The following GAS7 variants were observed in gnomAD, a reference collection of about 807,000 sequenced individuals.
GAS7 encodes the protein growth arrest specific 7.
GAS7 carries 28 observed loss-of-function variants against 71.1 expected under a neutral mutation model. That is an observed-to-expected ratio of 0.39 (90% CI 0.29 to 0.54). GAS7 has a LOEUF of 0.54. Among genes scored for constraint, GAS7 ranks in the 20% least tolerant of loss-of-function variants. The pLI, the probability that GAS7 is intolerant of heterozygous loss-of-function variation, is 0.62. For synonymous variants in GAS7, 258 were observed against 245.8 expected, an observed-to-expected ratio of 1.05 and a Z score of -0.46; for missense variants, 436 against 627.8, an observed-to-expected ratio of 0.69 and a Z score of 3.27.
chr17:10,068,375 C>G (rs1211430997), intron 1 of GAS7, among the ~76,000 whole-genome samples: 1 of 152,152 alleles, frequency 6.6e-6, no homozygotes, highest in Non-Finnish European at 1.5e-5. Context: ...AAAACAGAGG[C>G]AGGCTATGCT....
chr17:10,013,522 C>T (rs1391764959), intron 2 of GAS7, among the ~76,000 whole-genome samples: 2 of 152,176 alleles, frequency 1.3e-5, no homozygotes, highest in South Asian at 2.1e-4. Flanking sequence ...AACTGAAGGC[C>T]ACTCTGCATG....
chr17:10,074,780 C>A (rs758500368), intron 1 of GAS7, among the ~76,000 whole-genome samples: 1 of 143,748 alleles, frequency 7.0e-6, no homozygotes, highest in Non-Finnish European at 1.5e-5. Context: ...TTTTATAATA[C>A]CCTGATATCA....
chr17:10,013,460 G>A (rs1345225762), intron 2 of GAS7, among the ~76,000 whole-genome samples: 1 of 152,164 alleles, frequency 6.6e-6, no homozygotes, highest in African/African-American at 2.4e-5. Context: ...TCCCTGGACA[G>A]CACAAGACAA....
intron 1 of GAS7, among the ~76,000 whole-genome samples, chr17:10,140,064 G>A (rs1008126010): frequency 9.2e-5 from 14 of 152,212 alleles, no homozygotes; most frequent in Admixed American, 5.9e-4. Context: ...CACCTTTCCC[G>A]TAGACTTCAA....
At position 9,919,201 on chromosome 17, in the gene GAS7, G is replaced by A. The variant is rs1567768974; in HGVS notation, c.1218+425C>T. On this transcript the variant is annotated intron_variant, in intron 12 of 13. Transcript: ENST00000432992. This position sits in a 1 kb window ranked among gnomAD's most constrained non-coding sequence, Gnocchi z 5.0. ...GAGGCCTCCCCCACCCCACTGCCTAGCTCCATCCTCACCCATCCATCCACT... is the reference window on the plus strand; with the variant it reads ...GAGGCCTCCCCCACCCCACTGCCTAACTCCATCCTCACCCATCCATCCACT... 6.6e-6 allele frequency among the ~76,000 whole-genome samples: 1 copy of A among 152,088 alleles called. No individual in the cohort carries two copies. Among genetic ancestry groups the A allele is most frequent in the Non-Finnish European group, 1.5e-5 (1 of 68,004 alleles).
At chr17:10,107,296 T>G (rs2073765781) in intron 1 of GAS7, among the ~76,000 whole-genome samples, 1 of 152,226 alleles carries the variant, frequency 6.6e-6, no homozygotes, top group Admixed American at 6.5e-5. Flanking sequence ...TTGCTGGGCC[T>G]CCATTAACCT....
At chr17:9,970,141 G>T (rs965271053) in intron 3 of GAS7, among the ~76,000 whole-genome samples, 11 of 152,020 alleles carry the variant, frequency 7.2e-5, no homozygotes, top group African/African-American at 2.4e-4. Context: ...CGGGGCGGGG[G>T]GCTCTCCACC....
At chr17:9,989,758 T>C (rs912844385) in intron 2 of GAS7, among the ~76,000 whole-genome samples, 4 of 152,132 alleles carry the variant, frequency 2.6e-5, no homozygotes, top group African/African-American at 9.7e-5. Context: ...CTGAGAGAAA[T>C]GTATTATGTA....
chr17:10,189,583 C>A (rs2074482390), intron 1 of GAS7, among the ~76,000 whole-genome samples: 1 of 151,912 alleles, frequency 6.6e-6, no homozygotes, highest in African/African-American at 2.4e-5. Flanking sequence ...CAAACACACT[C>A]CTCTACTCAG....
chr17:9,955,957 G>A (rs2069218772), intron 5 of GAS7, among the ~76,000 whole-genome samples: 1 of 152,226 alleles, frequency 6.6e-6, no homozygotes, highest in South Asian at 2.1e-4. Flanking sequence ...TTCCGCACAG[G>A]AGCAGCCAGA....
chr17:10,064,888 T>G (rs1011935310), intron 1 of GAS7, among the ~76,000 whole-genome samples: 1 of 152,224 alleles, frequency 6.6e-6, no homozygotes, highest in African/African-American at 2.4e-5. Flanking sequence ...AGTACAGTGG[T>G]ACAATCATAG....
chr17:10,025,039 G>A (rs926736917), intron 1 of GAS7, among the ~76,000 whole-genome samples: 21 of 152,236 alleles, frequency 1.4e-4, no homozygotes, highest in African/African-American at 4.8e-4. Context: ...TTAAAACAAG[G>A]CATCTGAGAC....
At chr17:10,139,107 G>A (rs1416389720) in intron 1 of GAS7, among the ~76,000 whole-genome samples, 1 of 152,118 alleles carries the variant, frequency 6.6e-6, no homozygotes, top group African/African-American at 2.4e-5. Flanking sequence ...ATGCTAAATA[G>A]AAAATATAAA....
At chr17:10,035,122 C>T (rs2072716230) in intron 1 of GAS7, among the ~76,000 whole-genome samples, 1 of 151,566 alleles carries the variant, frequency 6.6e-6, no homozygotes, top group African/African-American at 2.4e-5. Context: ...CTTCCCAGCT[C>T]CTTGCATGCC....
At chr17:10,125,079 A>G (rs898871013) in intron 1 of GAS7, among the ~76,000 whole-genome samples, 158 of 147,606 alleles carry the variant, frequency 1.1e-3, no homozygotes, top group African/African-American at 3.7e-3. Flanking sequence ...AAAAAAAAAA[A>G]AGGGGGGGTG....
In GAS7 at chr17:10,034,189, C is replaced by T. The variant is rs973075221; in HGVS notation, c.184-14292G>A. On this transcript the variant is annotated intron_variant, in intron 1 of 13. Transcript: ENST00000432992. This position sits in a 1 kb window ranked among gnomAD's most constrained non-coding sequence, Gnocchi z 4.4. Reference sequence around the variant, plus strand: ...AGCTGCAGCAGTCTCGCTGGCAGATCTTGAGCAACCTCTTCCATCTCTGCT... The same window carrying T: ...AGCTGCAGCAGTCTCGCTGGCAGATTTTGAGCAACCTCTTCCATCTCTGCT... 1 of 984,966 alleles carries T rather than the reference C, an allele frequency of 1.0e-6. No homozygotes were observed. Among genetic ancestry groups the T allele is most frequent in the Non-Finnish European group, 1.2e-6 (1 of 829,608 alleles). 61.0% of individuals were successfully genotyped at this position (984,966 alleles called of 1,614,324 possible). A position where few individuals can be genotyped will look rare whatever the true frequency, so the allele number is the denominator to read the frequency against.
intron 1 of GAS7, among the ~76,000 whole-genome samples, chr17:10,148,964 G>C (rs2074143737): frequency 6.6e-6 from 1 of 151,206 alleles, no homozygotes; most frequent in Admixed American, 6.6e-5. Context: ...AGGTCAACTG[G>C]ATGATGAATA....
chr17:9,996,336 C>T (rs959404618), intron 2 of GAS7, among the ~76,000 whole-genome samples: 1 of 150,544 alleles, frequency 6.6e-6, no homozygotes, highest in Non-Finnish European at 1.5e-5. Flanking sequence ...AAACCAAACA[C>T]CACATGTTCT....
chr17:9,997,028 G>A (rs1231529598), intron 2 of GAS7, among the ~76,000 whole-genome samples: 1 of 152,104 alleles, frequency 6.6e-6, no homozygotes, highest in Admixed American at 6.6e-5. Flanking sequence ...TAGGAACAGA[G>A]AGACAGACCA....
Sources: gnomAD v4.1 joint callset for allele counts (sites outside exome capture counted in the v4.1 genomes callset) on GRCh38, gnomAD v4.1.1 for gene constraint, Gnocchi (gnomAD v3.1) non-coding constraint, MANE v1.5 for transcripts, NCBI Gene and HGNC (gene_info 2026-07-23, HGNC 2026-07-21) for gene names.